CDH12: variants seen among roughly 807,000 people sequenced by gnomAD.
CDH12 encodes cadherin-12.
A neutral mutation model predicts 74.1 loss-of-function variants in CDH12; 41 were observed. That is an observed-to-expected ratio of 0.55 (90% CI 0.43 to 0.72). The LOEUF (loss-of-function observed/expected upper bound fraction) is 0.72. Among genes scored for constraint, CDH12 ranks in the 30% least tolerant of loss-of-function variants. CDH12 has a pLI of 0.00. For synonymous variants in CDH12, 399 were observed against 355.0 expected (o/e 1.12, Z -1.39); for missense variants, 945 against 977.2 (o/e 0.97, Z 0.44).
chr5:21,878,923 GAAAA>G, intron 6 of CDH12, among the ~76,000 whole-genome samples: 1 of 89,044 alleles, frequency 1.1e-5, no homozygotes, highest in South Asian at 4.0e-4. Flanking sequence ...AAGGAAGAAA[GAAAA>G]AGAAAGAAAG....
intron 1 of CDH12, among the ~76,000 whole-genome samples, chr5:22,776,537 G>A (rs1747114401): frequency 6.6e-6 from 1 of 151,996 alleles, no homozygotes; most frequent in African/African-American, 2.4e-5. Context: ...AGGCACAGAA[G>A]GAAATCTGTG....
intron 2 of CDH12, among the ~76,000 whole-genome samples, chr5:22,422,099 A>C (rs1442761020): frequency 1.1e-4 from 17 of 152,160 alleles, no homozygotes; most frequent in Non-Finnish European, 2.5e-4. Context: ...CCATGGCCAG[A>C]GCTTCTAATA....
At chr5:21,790,058 G>A (rs1050195571) in intron 10 of CDH12, among the ~76,000 whole-genome samples, 1 of 152,116 alleles carries the variant, frequency 6.6e-6, no homozygotes, top group Non-Finnish European at 1.5e-5. Flanking sequence ...GATTTGATGA[G>A]GACTTTCTCA....
At chr5:22,340,452 A>T (rs1739794535) in intron 3 of CDH12, among the ~76,000 whole-genome samples, 3 of 151,414 alleles carry the variant, frequency 2.0e-5, no homozygotes, top group Admixed American at 2.0e-4. Flanking sequence ...GTGTGAACCC[A>T]GGAGCAGAGT....
At chr5:22,341,677 T>G (rs1036935523) in intron 3 of CDH12, among the ~76,000 whole-genome samples, 6 of 152,172 alleles carry the variant, frequency 3.9e-5, no homozygotes, top group African/African-American at 1.2e-4. Flanking sequence ...GCTAGCTATT[T>G]CAGGCAGAAG....
At chr5:22,344,858 G>C (rs1580545387) in intron 3 of CDH12, among the ~76,000 whole-genome samples, 2 of 152,152 alleles carry the variant, frequency 1.3e-5, no homozygotes, top group African/African-American at 4.8e-5. Flanking sequence ...TCTCATAATA[G>C]AGAATGTGTG....
chr5:22,781,231 A>G (rs1202475107), intron 1 of CDH12, among the ~76,000 whole-genome samples: 1 of 152,222 alleles, frequency 6.6e-6, no homozygotes, highest in Non-Finnish European at 1.5e-5. Context: ...GCAAAGCTTT[A>G]CAGCTCCTAA....
chr5:22,657,165 G>A (rs951246636), intron 1 of CDH12, among the ~76,000 whole-genome samples: 1 of 152,156 alleles, frequency 6.6e-6, no homozygotes, highest in Admixed American at 6.5e-5. Context: ...AAAAGATGAT[G>A]TTCTCAGGAT....
At chr5:21,964,185 G>A (rs1393461609) in intron 6 of CDH12, among the ~76,000 whole-genome samples, 1 of 152,018 alleles carries the variant, frequency 6.6e-6, no homozygotes, top group Non-Finnish European at 1.5e-5. Context: ...AAAAGTAATT[G>A]AAGATACCCA....
intron 3 of CDH12, among the ~76,000 whole-genome samples, chr5:22,396,063 A>G (rs1428471726): frequency 1.2e-5 from 1 of 80,598 alleles, no homozygotes; most frequent in Non-Finnish European, 2.8e-5. Context: ...CTTGATTTAT[A>G]TCAATGATGA....
intron 11 of CDH12, among the ~76,000 whole-genome samples, chr5:21,775,847 C>T (rs1745557943): frequency 6.6e-6 from 1 of 151,998 alleles, no homozygotes; most frequent in Non-Finnish European, 1.5e-5. Flanking sequence ...TAGAGGCCAA[C>T]AAATATGGTT....
chr5:22,398,598 G>A (rs189310289), intron 3 of CDH12, among the ~76,000 whole-genome samples: 5 of 152,180 alleles, frequency 3.3e-5, no homozygotes, highest in East Asian at 1.9e-4. Context: ...GATAGAACAC[G>A]CATCCTCTTC....
chr5:22,279,982 C>G (rs1736805635), intron 3 of CDH12, among the ~76,000 whole-genome samples: 1 of 152,122 alleles, frequency 6.6e-6, no homozygotes, highest in South Asian at 2.1e-4. Flanking sequence ...AACTAGTTTA[C>G]AGTCCCACCA....
chr5:22,144,370 T>C (rs550035637), intron 4 of CDH12, among the ~76,000 whole-genome samples: 1 of 152,280 alleles, frequency 6.6e-6, no homozygotes, highest in East Asian at 1.9e-4. Flanking sequence ...AAAAGGATCA[T>C]TGATTTATAT....
rs927412552 is a variant in CDH12 at position 22,414,654 on chromosome 5, T to C, written c.-427-9303A>G. On this transcript the variant is annotated intron_variant, in intron 2 of 14. Transcript: ENST00000382254. Reference sequence around the variant, plus strand: ...TTTATATATTTAAAATGAAAACCTTTGCTATGGTAATTTTATTGAATTACT... The same window carrying C: ...TTTATATATTTAAAATGAAAACCTTCGCTATGGTAATTTTATTGAATTACT... 9.3e-4 allele frequency among the ~76,000 whole-genome samples: 141 copies of C among 151,998 alleles called. 2 individuals carry two copies. The highest frequency in any genetic ancestry group is 1.0e-4 in the Non-Finnish European group (7 of 67,842).
intron 3 of CDH12, among the ~76,000 whole-genome samples, chr5:22,388,884 T>C (rs1206703573): frequency 6.6e-6 from 1 of 151,982 alleles, no homozygotes; most frequent in African/African-American, 2.4e-5. Flanking sequence ...ACGTCTTATA[T>C]TCAGTTTTTG....
intron 3 of CDH12, among the ~76,000 whole-genome samples, chr5:22,344,520 C>T (rs1426116703): frequency 6.6e-6 from 1 of 151,976 alleles, no homozygotes; most frequent in African/African-American, 2.4e-5. Context: ...TTGAAAGAAG[C>T]ATGAGACTCA....
chr5:22,787,374 A>C (rs1404617268), intron 1 of CDH12, among the ~76,000 whole-genome samples: 1 of 152,274 alleles, frequency 6.6e-6, no homozygotes, highest in South Asian at 2.1e-4. Flanking sequence ...TATTCCAATT[A>C]GCCTACCAAG....
intron 2 of CDH12, among the ~76,000 whole-genome samples, chr5:22,444,164 T>A (rs749802088): frequency 6.6e-6 from 1 of 152,086 alleles, no homozygotes; most frequent in South Asian, 2.1e-4. Context: ...CATTTCATCT[T>A]AAATGTAGTT....
Sources: gnomAD v4.1 joint callset for allele counts (sites outside exome capture counted in the v4.1 genomes callset) on GRCh38, gnomAD v4.1.1 for gene constraint, MANE v1.5 for transcripts, NCBI Gene and HGNC (gene_info 2026-07-23, HGNC 2026-07-21) for gene names.